Variants in DLGAP1 observed in about 807,000 individuals in gnomAD.
The protein encoded by DLGAP1 is DLG associated protein 1.
In DLGAP1, 11 loss-of-function variants were observed where a neutral mutation model predicts 90.8. That is an observed-to-expected ratio of 0.12 (90% CI 0.08 to 0.20). DLGAP1 has a LOEUF of 0.20. Ranked by LOEUF, DLGAP1 falls within the 10% of genes least tolerant of loss-of-function variation. The pLI is 1.00. For synonymous variants in DLGAP1, 558 were observed against 540.7 expected (o/e 1.03, Z -0.44); for missense variants, 1,050 against 1,333.8 (o/e 0.79, Z 3.31).
chr18:4,454,248 C>T lies in DLGAP1; in HGVS notation c.-267+758G>A, dbSNP rs75913553. Among the ~76,000 whole-genome samples the T allele has an allele frequency of 3.8e-3, 585 of 152,340 alleles. 4 individuals are homozygous for T. The highest frequency in any genetic ancestry group is 0.014 in the African/African-American group (563 of 41,596). On this transcript the variant is annotated intron_variant, in intron 1 of 12. Transcript: ENST00000315677. This position sits in a 1 kb window ranked among gnomAD's most constrained non-coding sequence, Gnocchi z 4.7. ...ATGAAAGTGCAATGTGTTATCTCGC[C>T]CAGCCCAGAGGAGAGGTCCCTGTTT...
At chr18:3,550,780 C>T (rs1017380472) in intron 9 of DLGAP1, among the ~76,000 whole-genome samples, 15 of 126,566 alleles carry the variant, frequency 1.2e-4, no homozygotes, top group Non-Finnish European at 2.2e-4. Flanking sequence ...CTCACTCTGT[C>T]GCCCAGGCTG....
At chr18:4,274,377 T>C (rs1374377212) in intron 1 of DLGAP1, among the ~76,000 whole-genome samples, 1 of 152,244 alleles carries the variant, frequency 6.6e-6, no homozygotes. Flanking sequence ...GAAAATGTAC[T>C]TTGTATTATT....
Position 3,729,411 on chromosome 18 carries a change from C to G in DLGAP1, c.1351-36G>C. 6.3e-7 allele frequency: 1 copy of G among 1,589,504 alleles called. No homozygotes were observed. Among genetic ancestry groups the G allele is most frequent in the Non-Finnish European group, 8.6e-7 (1 of 1,163,026 alleles). ...ACACAGGCGTTGTGACACTCGCCTC[C>G]ACCTGGTGGAGGATCAACCTCTCCA... On this transcript the variant is annotated intron_variant, in intron 6 of 12. Coordinates refer to ENST00000315677, the MANE Select transcript of DLGAP1 (RefSeq NM_004746.4). The surrounding 1 kb of genome is among the most constrained non-coding windows in gnomAD (Gnocchi z 6.2).
At chr18:4,156,112 C>T (rs1171145322) in intron 1 of DLGAP1, among the ~76,000 whole-genome samples, 1 of 152,134 alleles carries the variant, frequency 6.6e-6, no homozygotes, top group Non-Finnish European at 1.5e-5. Flanking sequence ...AGAGTGACCT[C>T]GACGTCGCTG....
At chr18:3,910,778 G>C (rs1490452547) in intron 3 of DLGAP1, among the ~76,000 whole-genome samples, 2 of 152,004 alleles carry the variant, frequency 1.3e-5, no homozygotes, top group East Asian at 1.9e-4. Context: ...TAAAGGGTTG[G>C]GAAGGGATAC....
At chr18:4,271,411 C>T (rs529966865) in intron 1 of DLGAP1, among the ~76,000 whole-genome samples, 1 of 152,118 alleles carries the variant, frequency 6.6e-6, no homozygotes, top group Non-Finnish European at 1.5e-5. Context: ...CTTAGAGAAA[C>T]ATATCATTTG....
intron 3 of DLGAP1, among the ~76,000 whole-genome samples, chr18:3,968,796 C>T (rs1014915290): frequency 3.9e-5 from 6 of 152,124 alleles, no homozygotes; most frequent in Non-Finnish European, 7.4e-5. Context: ...ATAAGTAATA[C>T]CATGCAAGGG....
intron 7 of DLGAP1, among the ~76,000 whole-genome samples, chr18:3,669,172 A>C (rs907214827): frequency 1.4e-5 from 2 of 143,490 alleles, no homozygotes; most frequent in East Asian, 2.0e-4. Context: ...AGGGTTCCAG[A>C]CCTTCCAGAT....
At chr18:4,416,636 C>A (rs2082906070) in intron 1 of DLGAP1, among the ~76,000 whole-genome samples, 1 of 152,166 alleles carries the variant, frequency 6.6e-6, no homozygotes, top group Admixed American at 6.5e-5. Flanking sequence ...TCTATAAGAT[C>A]CAATAATCTT....
rs1027822448 is a variant in DLGAP1, at chr18:3,534,397, G to A, written c.2276C>T (p.Thr759Met). 1.3e-5 allele frequency: 21 copies of A among 1,614,030 alleles called. No homozygotes were observed. Among genetic ancestry groups the A allele is most frequent in the Admixed American group, 1.7e-5 (1 of 59,986 alleles). Residue 759 changes from threonine to methionine, a missense_variant, in exon 10 of 13, where the codon ACG becomes ATG. Thr to Met is a moderately conservative substitution (Grantham distance 81). Coordinates refer to ENST00000315677, the MANE Select transcript of DLGAP1 (RefSeq NM_004746.4). ...HACAADDDFD[T>M]DFDPSILPPP... ...AGGCAGAATAGAGGGGTCAAAATCC[G>A]TGTCAAAGTCATCATCGGCGGCACA...
chr18:3,834,556 G>T (rs893478050), intron 4 of DLGAP1, among the ~76,000 whole-genome samples: 8 of 152,106 alleles, frequency 5.3e-5, no homozygotes, highest in Non-Finnish European at 1.0e-4. Flanking sequence ...TTAAACATTT[G>T]CCAAATGAAT....
chr18:3,991,174 T>TA (rs1168565478), intron 3 of DLGAP1, among the ~76,000 whole-genome samples: 5 of 151,766 alleles, frequency 3.3e-5, no homozygotes, highest in Admixed American at 6.6e-5. Context: ...AATATTAATA[T>TA]AAAAAAACAA....
intron 1 of DLGAP1, among the ~76,000 whole-genome samples, chr18:4,161,122 A>G (rs1341420493): frequency 1.3e-5 from 2 of 150,970 alleles, no homozygotes; most frequent in South Asian, 2.1e-4. Context: ...CAGGATGTGC[A>G]GGTTTGTTAC....
intron 2 of DLGAP1, among the ~76,000 whole-genome samples, chr18:4,069,404 C>T (rs12455806): frequency 0.085 from 12,951 of 152,066 alleles, 719 homozygotes; most frequent in East Asian, 0.21. Flanking sequence ...TTGGATGTGT[C>T]GTCACAAAAT....
chr18:3,931,043 C>T (rs1334282034), intron 3 of DLGAP1, among the ~76,000 whole-genome samples: 1 of 152,198 alleles, frequency 6.6e-6, no homozygotes, highest in African/African-American at 2.4e-5. Context: ...AAGCTCCCGG[C>T]ATGGCTTCTG....
At chr18:3,932,132 T>C (rs1158031479) in intron 3 of DLGAP1, among the ~76,000 whole-genome samples, 1 of 152,164 alleles carries the variant, frequency 6.6e-6, no homozygotes, top group Non-Finnish European at 1.5e-5. Flanking sequence ...ATAAGGCTGC[T>C]TCTAAAGTCG....
intron 4 of DLGAP1, among the ~76,000 whole-genome samples, chr18:3,858,123 C>T (rs926754901): frequency 2.0e-5 from 3 of 152,128 alleles, no homozygotes; most frequent in Admixed American, 2.0e-4. Flanking sequence ...ACCAACTTCT[C>T]CATCTAAATG....
At chr18:4,035,577 T>C (rs1362150368) in intron 2 of DLGAP1, among the ~76,000 whole-genome samples, 2 of 152,128 alleles carry the variant, frequency 1.3e-5, no homozygotes, top group Non-Finnish European at 2.9e-5. Context: ...ATATCTAAAG[T>C]GAGAGGAGAT....
At chr18:4,366,517 G>A (rs1182655890) in intron 1 of DLGAP1, among the ~76,000 whole-genome samples, 9 of 151,848 alleles carry the variant, frequency 5.9e-5, no homozygotes, top group Admixed American at 5.9e-4. Flanking sequence ...CCTTCCTAGG[G>A]CCAGAGTACA....
Sources: allele counts gnomAD v4.1 joint callset (sites outside exome capture counted in the v4.1 genomes callset), GRCh38; gene constraint gnomAD v4.1.1; non-coding constraint Gnocchi (gnomAD v3.1); transcripts MANE v1.5; gene names NCBI Gene and HGNC (gene_info 2026-07-23, HGNC 2026-07-21).